Variants in SYT1 observed in about 807,000 individuals in gnomAD.
SYT1 encodes synaptotagmin 1, also known as synaptotagmin-1.
Under a neutral mutation model 44.8 loss-of-function variants are expected in SYT1, and 8 were observed. The observed-to-expected ratio is 0.18, with a 90% CI of 0.10 to 0.32. The LOEUF (loss-of-function observed/expected upper bound fraction) is 0.32. Ranked by LOEUF, SYT1 falls within the 10% of genes least tolerant of loss-of-function variation. SYT1 has a pLI of 1.00. For missense variants in SYT1, 286 were observed against 509.3 expected (o/e 0.56, Z 4.22); for synonymous variants, 154 against 188.8 (o/e 0.82, Z 1.51).
At chr12:79,045,278 G>A (rs1290824865) in intron 2 of SYT1, among the ~76,000 whole-genome samples, 1 of 152,210 alleles carries the variant, frequency 6.6e-6, no homozygotes, top group African/African-American at 2.4e-5. Context: ...GCGAGACTAC[G>A]TGGGCGTAGG....
At chr12:79,444,337 C>T (rs1183346214) in intron 10 of SYT1, 131 bp downstream of exon 10, 2 of 1,132,742 alleles carry the variant, frequency 1.8e-6, no homozygotes, top group Non-Finnish European at 2.5e-6. Flanking sequence ...TCCCCATGCA[C>T]ATTTGATGCT....
intron 9 of SYT1, among the ~76,000 whole-genome samples, chr12:79,403,706 G>A (rs1457746049): frequency 2.0e-5 from 3 of 152,166 alleles, no homozygotes; most frequent in Admixed American, 2.0e-4. Flanking sequence ...AATAGCAGAT[G>A]TATTTCTCAA....
intron 3 of SYT1, among the ~76,000 whole-genome samples, chr12:79,162,796 CTA>C (rs1344934273): frequency 2.0e-5 from 3 of 152,012 alleles, no homozygotes; most frequent in African/African-American, 7.2e-5. Context: ...TACATTTTCT[CTA>C]TTAATTTTTT....
intron 3 of SYT1, among the ~76,000 whole-genome samples, chr12:79,172,287 A>C (rs1056236915): frequency 6.6e-6 from 1 of 151,974 alleles, no homozygotes; most frequent in Non-Finnish European, 1.5e-5. Flanking sequence ...AGGTATACTG[A>C]GACTTCATTT....
chr12:79,249,088 CTTTTTTTTTTT>C (rs58983623), intron 4 of SYT1, among the ~76,000 whole-genome samples: 17 of 71,824 alleles, frequency 2.4e-4, no homozygotes, highest in Admixed American at 4.6e-4. Context: ...TTACCTCTTT[CTTTTTTTTTTT>C]TTTTTTTTTT....
In SYT1 at chr12:79,444,143, G is replaced by A; in HGVS notation, c.999G>A (p.Lys333=). 6.2e-7 allele frequency: 1 copy of A among 1,613,652 alleles called. No homozygotes were observed. ...RLKKKKTTIK[K]NTLNPYYNES... The stretch of plus-strand genomic sequence containing the variant: ...AGAAGAAAAAGACAACAATTAAAAA[G>A]AACACACTTAACCCCTACTACAATG... Residue 333 remains lysine (K), a synonymous_variant, in exon 10 of 11, where the codon AAG becomes AAA. Transcript: ENST00000261205.
intron 3 of SYT1, among the ~76,000 whole-genome samples, chr12:79,099,907 T>G (rs1254290492): frequency 6.6e-6 from 1 of 152,124 alleles, no homozygotes; most frequent in Non-Finnish European, 1.5e-5. Context: ...GCATTTCCAT[T>G]CAACATTCCA....
intron 8 of SYT1, chr12:79,341,338 G>A (rs1882365051): frequency 6.6e-6 from 1 of 152,222 alleles, no homozygotes; most frequent in Admixed American, 6.5e-5. Context: ...AAATCTTCAA[G>A]GATCCTGTCT....
At chr12:78,894,648 C>T (rs879629775) in intron 1 of SYT1, among the ~76,000 whole-genome samples, 2 of 151,492 alleles carry the variant, frequency 1.3e-5, no homozygotes, top group Admixed American at 6.6e-5. Context: ...CTTACAATTA[C>T]GGCTATTTAA....
At chr12:78,905,618 G>A (rs775084764) in intron 1 of SYT1, among the ~76,000 whole-genome samples, 9 of 151,920 alleles carry the variant, frequency 5.9e-5, no homozygotes, top group Non-Finnish European at 1.2e-4. Context: ...TTATTACATG[G>A]CATCTACAAT....
At chr12:79,051,700 G>A (rs1874504265) in intron 3 of SYT1, among the ~76,000 whole-genome samples, 1 of 151,888 alleles carries the variant, frequency 6.6e-6, no homozygotes, top group Non-Finnish European at 1.5e-5. Context: ...TGTCTACCCA[G>A]CATACTTCCC....
At chr12:78,940,088 A>G (rs1878269233) in intron 1 of SYT1, among the ~76,000 whole-genome samples, 1 of 152,198 alleles carries the variant, frequency 6.6e-6, no homozygotes, top group African/African-American at 2.4e-5. Context: ...CCATCTCTCT[A>G]CTTAAATGAA....
At chr12:79,067,672 T>A (rs1875966648) in intron 3 of SYT1, among the ~76,000 whole-genome samples, 3 of 152,074 alleles carry the variant, frequency 2.0e-5, no homozygotes, top group Non-Finnish European at 4.4e-5. Flanking sequence ...TGTAGGGGAT[T>A]CCAGGTAAAA....
At chr12:79,095,049 G>A (rs1023717290) in intron 3 of SYT1, among the ~76,000 whole-genome samples, 3 of 151,848 alleles carry the variant, frequency 2.0e-5, no homozygotes, top group East Asian at 1.9e-4. Flanking sequence ...CCATACATGA[G>A]GGCCTAATAA....
At chr12:79,253,281 C>T (rs1371579619) in intron 4 of SYT1, among the ~76,000 whole-genome samples, 3 of 152,106 alleles carry the variant, frequency 2.0e-5, no homozygotes, top group African/African-American at 7.2e-5. Flanking sequence ...GCTACGCTCA[C>T]TCTATCTCTC....
chr12:79,066,870 A>G (rs1029949296), intron 3 of SYT1, among the ~76,000 whole-genome samples: 1 of 152,154 alleles, frequency 6.6e-6, no homozygotes. Context: ...CTTGATCTCC[A>G]TTTAGTGTCC....
chr12:79,164,785 T>C (rs1357894373), intron 3 of SYT1, among the ~76,000 whole-genome samples: 1 of 152,070 alleles, frequency 6.6e-6, no homozygotes, highest in Non-Finnish European at 1.5e-5. Flanking sequence ...ATATCCAGCT[T>C]TTACATTTAA....
At position 79,180,626 on chromosome 12, in the gene SYT1, T is replaced by C. The variant is rs1046234624; in HGVS notation, c.-17-36877T>C. On this transcript the variant is annotated intron_variant, in intron 3 of 10. Coordinates refer to ENST00000261205, the MANE Select transcript of SYT1 (RefSeq NM_005639.3). Reference sequence around the variant, plus strand: ...TGGAAGGAGGAGCAGGCGTCTCACATGGCAGGAGCAGGAGCAAGAGAGAGT... The same window carrying C: ...TGGAAGGAGGAGCAGGCGTCTCACACGGCAGGAGCAGGAGCAAGAGAGAGT... Among the ~76,000 whole-genome samples the C allele has an allele frequency of 3.9e-5, 6 of 152,076 alleles. No homozygotes were observed. The South Asian group carries it at 1.0e-3, about 26-fold the overall frequency.
chr12:78,885,375 G>A (rs1209507197), intron 1 of SYT1, among the ~76,000 whole-genome samples: 2 of 149,522 alleles, frequency 1.3e-5, no homozygotes, highest in East Asian at 4.0e-4. Context: ...AAGGAAGGGA[G>A]GGAGGGAGGA....
Sources: gnomAD v4.1 joint callset for allele counts (sites outside exome capture counted in the v4.1 genomes callset) on GRCh38, gnomAD v4.1.1 for gene constraint, MANE v1.5 for transcripts, NCBI Gene and HGNC (gene_info 2026-07-23, HGNC 2026-07-21) for gene names.